Variants in ATP2C2 observed in about 807,000 individuals in gnomAD.
ATP2C2 encodes the protein ATPase secretory pathway Ca2+ transporting 2.
Under a neutral mutation model 110.8 loss-of-function variants are expected in ATP2C2, and 171 were observed. That is an observed-to-expected ratio of 1.54 (90% confidence interval 1.36 to 1.75). The LOEUF (loss-of-function observed/expected upper bound fraction) is 1.75, where lower values mean the gene tolerates loss of function less well. Ranked by LOEUF, ATP2C2 falls within the 40% of genes most tolerant of loss-of-function variation. The pLI is 0.00. For synonymous variants in ATP2C2, 804 were observed against 508.4 expected (o/e 1.58, Z -7.82); for missense variants, 1,963 against 1,235.0 (o/e 1.59, Z -8.84).
In ATP2C2 at chr16:84,448,515, C is replaced by T; in HGVS notation, c.1504-18C>T. ...GGCTTCCAGTGATAGTGGATTTCTT[C>T]CCTTTGTCTTTTCTAAGGATCAGGA... On this transcript the variant is annotated intron_variant, in intron 16 of 26. Coordinates refer to ENST00000262429, the MANE Select transcript of ATP2C2 (RefSeq NM_014861.4). 2.5e-6 allele frequency: 4 copies of T among 1,599,284 alleles called. No individual in the cohort carries two copies. The highest frequency in any genetic ancestry group is 3.4e-6 in the Non-Finnish European group (4 of 1,169,834).
At chr16:84,374,238 A>G (rs530220576) in intron 1 of ATP2C2, among the ~76,000 whole-genome samples, 1 of 152,292 alleles carries the variant, frequency 6.6e-6, no homozygotes, top group Non-Finnish European at 1.5e-5. Context: ...TTTCTCACCG[A>G]ATCCACAATT....
rs62050916 is a variant in ATP2C2, at chr16:84,460,562, A to G, written c.2334-92A>G. On this transcript the variant is annotated intron_variant, in intron 23 of 26. Transcript: ENST00000262429. ...ATGCCTGGCCCTGCCCCCTGTGCCA[A>G]CTTGGCCTGGGAGGCTCAGGCACAG... 10 of 1,579,048 alleles carry G rather than the reference A, an allele frequency of 6.3e-6. No homozygotes were observed. In the South Asian group the frequency reaches 7.8e-5, roughly 12 times the overall value.
At position 84,439,419 on chromosome 16, in the gene ATP2C2, T is replaced by A. The variant is rs1909040357; in HGVS notation, c.1112-8T>A. ...TTCTCTTCTATAAACTGGTGTTTGT[T>A]GTACCAGGTTGCTGCAGCGTTCTCT... On this transcript the variant is annotated splice_region_variant and splice_polypyrimidine_tract_variant and intron_variant, in intron 12 of 26. Coordinates refer to ENST00000262429, the MANE Select transcript of ATP2C2 (RefSeq NM_014861.4). 3 of 1,613,960 alleles carry A rather than the reference T, an allele frequency of 1.9e-6. No individual in the cohort carries two copies. The highest frequency in any genetic ancestry group is 2.5e-6 in the Non-Finnish European group (3 of 1,179,976).
Position 84,409,655 on chromosome 16 carries a change from G to C in ATP2C2, c.418-913G>C, listed in dbSNP as rs1457037948. ...TTACAGGTGCCCGCCACCACTCCTG[G>C]TTAATTTTTGCTAATTTTTATATTT... On this transcript the variant is annotated intron_variant, in intron 4 of 26. Coordinates refer to ENST00000262429, the MANE Select transcript of ATP2C2 (RefSeq NM_014861.4). Among the ~76,000 whole-genome samples, 5 of 152,212 alleles carry C rather than the reference G, an allele frequency of 3.3e-5. No individual in the cohort carries two copies. The South Asian group carries it at 1.0e-3, about 32-fold the overall frequency.
At chr16:84,409,829 C>A (rs1421810262) in intron 4 of ATP2C2, among the ~76,000 whole-genome samples, 1 of 152,104 alleles carries the variant, frequency 6.6e-6, no homozygotes, top group Non-Finnish European at 1.5e-5. Flanking sequence ...GCTGTCATTC[C>A]CCACTTCTTT....
At chr16:84,397,198 A>T (rs563474858) in intron 1 of ATP2C2, among the ~76,000 whole-genome samples, 1 of 151,800 alleles carries the variant, frequency 6.6e-6, no homozygotes, top group Non-Finnish European at 1.5e-5. Context: ...CGAAGCCTCC[A>T]GGTGTTTCAC....
chr16:84,425,801 G>A lies in ATP2C2; in HGVS notation c.986G>A (p.Ser329Asn), dbSNP rs772288063. The change falls in exon 11 of 27, where the codon AGC (serine) becomes AAC (asparagine). Residue 329 changes from serine (S) to asparagine (N), a missense_variant and splice_region_variant. Physicochemically the swap from Ser to Asn is conservative, Grantham distance 46. Transcript: ENST00000262429. ...QLLSMFTIGVSLAVAAIPEGL... is the reference protein window; with the variant it reads ...QLLSMFTIGVNLAVAAIPEGL... Reference sequence around the variant, plus strand: ...CTGAGTATGTTCACGATCGGGGTCAGGTAAGAGTGCTATGGCCGCCCCTTG... The same window carrying A: ...CTGAGTATGTTCACGATCGGGGTCAAGTAAGAGTGCTATGGCCGCCCCTTG... 1.1e-5 allele frequency: 17 copies of A among 1,614,110 alleles called. No homozygotes were observed. Among genetic ancestry groups the A allele is most frequent in the Non-Finnish European group, 1.4e-5 (16 of 1,180,018 alleles).
At chr16:84,393,542 A>G (rs1019662072) in intron 1 of ATP2C2, among the ~76,000 whole-genome samples, 1 of 152,214 alleles carries the variant, frequency 6.6e-6, no homozygotes, top group African/African-American at 2.4e-5. Context: ...GGAAATGAAA[A>G]GATAGAGACA....
chr16:84,425,837 G>T lies in ATP2C2; in HGVS notation c.986+36G>T, dbSNP rs749761441. ...TATGGCCGCCCCTTGCCTTGCCAGG[G>T]TGGTCAATGGGCTCTGAGCCCTTCC... is the stretch of plus-strand genomic sequence containing the variant. On this transcript the variant is annotated intron_variant, in intron 11 of 26. Coordinates refer to ENST00000262429, the MANE Select transcript of ATP2C2 (RefSeq NM_014861.4). 5.0e-6 allele frequency: 8 copies of T among 1,605,676 alleles called. No individual in the cohort carries two copies. The South Asian group carries it at 8.8e-5, about 18-fold the overall frequency.
intron 1 of ATP2C2, among the ~76,000 whole-genome samples, 191 bp from the exon 2 acceptor site, chr16:84,398,308 A>G (rs2151416638): frequency 6.6e-6 from 1 of 152,290 alleles, no homozygotes; most frequent in Middle Eastern, 3.4e-3. Context: ...CGGGAGGCTG[A>G]GACAGAAGAA....
chr16:84,434,604 G>A (rs556949278), intron 11 of ATP2C2, among the ~76,000 whole-genome samples: 34 of 151,054 alleles, frequency 2.3e-4, no homozygotes, highest in African/African-American at 7.5e-4. Context: ...TGCAAGCTCC[G>A]CCTCCTGGGT....
intron 25 of ATP2C2, 44 bp from the exon 26 acceptor site, chr16:84,461,944 G>C (rs750574382): frequency 1.2e-6 from 2 of 1,609,254 alleles, no homozygotes; most frequent in Non-Finnish European, 1.7e-6. Context: ...CTGTACCTGG[G>C]GTGTGGACAG....
At chr16:84,400,555 C>T (rs920411122) in intron 2 of ATP2C2, among the ~76,000 whole-genome samples, 2 of 152,168 alleles carry the variant, frequency 1.3e-5, no homozygotes, top group African/African-American at 4.8e-5. Context: ...TCTCGATCTC[C>T]TGACCTCATG....
At chr16:84,462,258 G>A in intron 26 of ATP2C2, 129 bp downstream of exon 26, 2 of 1,250,388 alleles carry the variant, frequency 1.6e-6, no homozygotes, top group Non-Finnish European at 2.2e-6. Context: ...GGCCGGCTCT[G>A]TCTTCAGGGC....
At chr16:84,439,123 C>A in intron 11 of ATP2C2, 43 bp from the exon 12 acceptor site, 2 of 1,610,106 alleles carry the variant, frequency 1.2e-6, no homozygotes, top group South Asian at 1.1e-5. Context: ...GTCACACACT[C>A]CTTAAATGTG....
intron 1 of ATP2C2, among the ~76,000 whole-genome samples, chr16:84,382,211 C>A (rs1429655608): frequency 1.3e-5 from 2 of 152,124 alleles, no homozygotes; most frequent in Admixed American, 1.3e-4. Context: ...GTTCAACTCC[C>A]ACTTATGAGT....
At position 84,440,806 on chromosome 16, in the gene ATP2C2, GA is replaced by G. The variant is rs1200940227; in HGVS notation, c.1210-50del. ...GACAGAGATTGTGGGCCAACTGGGG[GA>G]GCATGTTTTTGACTCTTGGCGAAAC... On this transcript the variant is annotated intron_variant, in intron 13 of 26. Coordinates refer to ENST00000262429, the MANE Select transcript of ATP2C2 (RefSeq NM_014861.4). 5.6e-6 allele frequency: 8 copies of G among 1,418,010 alleles called. No homozygotes were observed. In the Admixed American group the frequency reaches 1.3e-4, roughly 24 times the overall value. 87.8% of individuals were successfully genotyped at this position (1,418,010 alleles called of 1,614,324 possible). A position where few individuals can be genotyped will look rare whatever the true frequency, so the allele number is the denominator to read the frequency against.
intron 21 of ATP2C2, among the ~76,000 whole-genome samples, chr16:84,455,412 G>C (rs1910704131): frequency 6.6e-6 from 1 of 152,162 alleles, no homozygotes; most frequent in African/African-American, 2.4e-5. Context: ...TTTGAGGCCT[G>C]CGTGTTGATA....
In ATP2C2 at chr16:84,391,807, G is replaced by A. The variant is rs1429834017; in HGVS notation, c.100-6692G>A. 2.6e-5 allele frequency among the ~76,000 whole-genome samples: 4 copies of A among 152,082 alleles called. No homozygotes were observed. In the East Asian group the frequency reaches 7.7e-4, roughly 29 times the overall value. On this transcript the variant is annotated intron_variant, in intron 1 of 26. Coordinates refer to ENST00000262429, the MANE Select transcript of ATP2C2 (RefSeq NM_014861.4). ...GTTGGTTGTTTGTTACAGCCGTGGA[G>A]ACCAAGCAGCCATGGGAAACTCACA...
Sources: allele counts gnomAD v4.1 joint callset (sites outside exome capture counted in the v4.1 genomes callset), GRCh38; gene constraint gnomAD v4.1.1; transcripts MANE v1.5; gene names NCBI Gene and HGNC (gene_info 2026-07-23, HGNC 2026-07-21).